Variants in ENDOD1 observed in about 807,000 individuals in gnomAD.
ENDOD1 encodes the protein endonuclease domain containing 1.
ENDOD1 carries 9 observed loss-of-function variants against 6.5 expected under a neutral mutation model. That is an observed-to-expected ratio of 1.39 (90% CI 0.84 to 2.43). The LOEUF is 2.43. Among genes scored for constraint, ENDOD1 ranks in the 30% most tolerant of loss-of-function variants. The pLI, the probability that ENDOD1 is intolerant of heterozygous loss-of-function variation, is 0.00. For missense variants in ENDOD1, 648 were observed against 635.5 expected (o/e 1.02, Z -0.21); for synonymous variants, 255 against 255.2 (o/e 1.00, Z 0.01).
chr11:95,110,962 G>A (rs1488078297), intron 1 of ENDOD1, among the ~76,000 whole-genome samples: 3 of 152,188 alleles, frequency 2.0e-5, no homozygotes, highest in African/African-American at 7.2e-5. Flanking sequence ...AACGGCTTGT[G>A]AAGATGACAT....
In ENDOD1 at chr11:95,121,720, T is replaced by G. The variant is rs906362965; in HGVS notation, c.301-6657T>G. The stretch of plus-strand genomic sequence containing the variant: ...CAGCCCTTTGAGATAAATTTTTTTC[T>G]TGGTACTAAATTTCAAAATGAATTT... On this transcript the variant is annotated intron_variant, in intron 1 of 1. Coordinates refer to ENST00000278505, the MANE Select transcript of ENDOD1 (RefSeq NM_015036.3). Among the ~76,000 whole-genome samples, 5 of 152,256 alleles carry G rather than the reference T, an allele frequency of 3.3e-5. 1 individual carries two copies. Among genetic ancestry groups the G allele is most frequent in the African/African-American group, 1.2e-4 (5 of 41,466 alleles).
At chr11:95,100,863 G>GTTT (rs1412933143) in intron 1 of ENDOD1, among the ~76,000 whole-genome samples, 1 of 51,098 alleles carries the variant, frequency 2.0e-5, no homozygotes. Context: ...TACCTGCTGG[G>GTTT]TGTTTTTTTT....
intron 1 of ENDOD1, among the ~76,000 whole-genome samples, chr11:95,107,282 A>G (rs368534173): frequency 1.5e-4 from 23 of 151,370 alleles, no homozygotes; most frequent in African/African-American, 5.1e-4. Flanking sequence ...TGCAGTGAGC[A>G]GAGATCGGGA....
At position 95,129,312 on chromosome 11, in the gene ENDOD1, C is replaced by T. The variant is rs752589406; in HGVS notation, c.1236C>T (p.Leu412=). The change falls in exon 2 of 2, where the codon CTC becomes CTT. Residue 412 remains leucine, a synonymous_variant. Coordinates refer to ENST00000278505, the MANE Select transcript of ENDOD1 (RefSeq NM_015036.3). Reference sequence around the variant, plus strand: ...TCGTGGCCAAAGTCATCAGGGCTCTCCTCCGGATCCTTTGTTGTCTGCTGA... The same window carrying T: ...TCGTGGCCAAAGTCATCAGGGCTCTTCTCCGGATCCTTTGTTGTCTGCTGA... ...LKVVAKVIRA[L]LRILCCLLKA... is the part of the protein sequence containing the mutation. 4.3e-6 allele frequency: 7 copies of T among 1,614,182 alleles called. No individual in the cohort carries two copies. In the East Asian group the frequency reaches 1.3e-4, roughly 31 times the overall value.
At chr11:95,114,938 G>C (rs1328378548) in intron 1 of ENDOD1, among the ~76,000 whole-genome samples, 1 of 152,132 alleles carries the variant, frequency 6.6e-6, no homozygotes, top group African/African-American at 2.4e-5. Flanking sequence ...GATTCCTCCT[G>C]TTTTGTTCAT....
At chr11:95,098,751 C>G (rs559335336) in intron 1 of ENDOD1, among the ~76,000 whole-genome samples, 1 of 151,850 alleles carries the variant, frequency 6.6e-6, no homozygotes, top group South Asian at 2.1e-4. Flanking sequence ...GAAATAGGTA[C>G]TATTATTATC....
rs760023321 is a variant in ENDOD1, at chr11:95,129,243, C to T, written c.1167C>T (p.Ala389=). The T allele has an allele frequency of 3.7e-6, 6 of 1,614,146 alleles. No individual in the cohort carries two copies. In the East Asian group the frequency reaches 1.3e-4, roughly 36 times the overall value. ...CAGCCACCATCTCATACTTCATGGCCATTGGGGAAGAGTTGGTGAGCATTC... is the reference window on the plus strand; with the variant it reads ...CAGCCACCATCTCATACTTCATGGCTATTGGGGAAGAGTTGGTGAGCATTC... The part of the protein sequence containing the change: ...LGSATISYFM[A]IGEELVSIPW... Residue 389 remains alanine (A), a synonymous_variant, in exon 2 of 2, where the codon GCC becomes GCT. Transcript: ENST00000278505.
chr11:95,102,611 G>T (rs868987423), intron 1 of ENDOD1, among the ~76,000 whole-genome samples: 18 of 152,298 alleles, frequency 1.2e-4, no homozygotes, highest in Middle Eastern at 3.4e-3. Context: ...GACAGAGGTT[G>T]CAGTGAGCTG....
chr11:95,090,831 C>G (rs141680498), intron 1 of ENDOD1, among the ~76,000 whole-genome samples: 115 of 152,300 alleles, frequency 7.6e-4, no homozygotes, highest in African/African-American at 2.6e-3. Context: ...GCCTGAAAAT[C>G]CTTCCTCTAC....
At chr11:95,115,606 C>T (rs1171220411) in intron 1 of ENDOD1, among the ~76,000 whole-genome samples, 1 of 152,066 alleles carries the variant, frequency 6.6e-6, no homozygotes, top group Non-Finnish European at 1.5e-5. Context: ...TTCAGTTTTT[C>T]CCCATTCAGT....
chr11:95,109,312 T>C (rs1555111696), intron 1 of ENDOD1, among the ~76,000 whole-genome samples: 1 of 152,212 alleles, frequency 6.6e-6, no homozygotes, highest in African/African-American at 2.4e-5. Context: ...TTTGATGGTC[T>C]GTTGTCAGGA....
At chr11:95,113,889 A>G (rs782486175) in intron 1 of ENDOD1, among the ~76,000 whole-genome samples, 1 of 152,214 alleles carries the variant, frequency 6.6e-6, no homozygotes, top group Non-Finnish European at 1.5e-5. Context: ...TCCCACCAAC[A>G]GTGTAAGAGG....
At chr11:95,107,960 CCCGG>C (rs1319350910) in intron 1 of ENDOD1, among the ~76,000 whole-genome samples, 1 of 151,740 alleles carries the variant, frequency 6.6e-6, no homozygotes, top group Non-Finnish European at 1.5e-5. Context: ...AGCCACCGCG[CCCGG>C]CCGGAGTCCG....
At chr11:95,118,007 C>A (rs1859227307) in intron 1 of ENDOD1, among the ~76,000 whole-genome samples, 1 of 152,086 alleles carries the variant, frequency 6.6e-6, no homozygotes, top group South Asian at 2.1e-4. Context: ...ATGCTGTTTG[C>A]ATAAGCAAAC....
rs146568399 is a variant in ENDOD1, at chr11:95,117,915, G to A, written c.301-10462G>A. ...TTTAGTTTCTTGCTTTTTATTTTTG[G>A]TGTATCTGCTGTATATTTTTTGATT... On this transcript the variant is annotated intron_variant, in intron 1 of 1. Transcript: ENST00000278505. Among the ~76,000 whole-genome samples, 31 of 151,716 alleles carry A rather than the reference G, an allele frequency of 2.0e-4. 1 individual carries two copies. The East Asian group carries it at 6.0e-3, about 29-fold the overall frequency.
chr11:95,128,339 A>G (rs1470730106), intron 1 of ENDOD1, 38 bp from the exon 2 acceptor site: 2 of 1,585,658 alleles, frequency 1.3e-6, no homozygotes, highest in East Asian at 2.2e-5. Flanking sequence ...CTGTGCTGTA[A>G]GCAGGGATGC....
rs1859365560 is a variant in ENDOD1 at position 95,131,014 on chromosome 11, C to A, written c.*1435C>A. On this transcript the variant is annotated 3_prime_UTR_variant, in exon 2 of 2. Transcript: ENST00000278505. Reference sequence around the variant, plus strand: ...AGTTATATGCAAAAATTCGGGGTCCCAACAAGGAGAGAACAATATGTCAAC... The same window carrying A: ...AGTTATATGCAAAAATTCGGGGTCCAAACAAGGAGAGAACAATATGTCAAC... 6.6e-6 allele frequency: 1 copy of A among 152,190 alleles called. No individual in the cohort carries two copies. The highest frequency in any genetic ancestry group is 2.4e-5 in the African/African-American group (1 of 41,450). The allele number at this position is 152,190 out of a possible 1,614,324, so 9.4% of individuals were successfully genotyped here.
intron 1 of ENDOD1, among the ~76,000 whole-genome samples, chr11:95,106,847 C>G (rs1362221096): frequency 6.6e-6 from 1 of 151,978 alleles, no homozygotes; most frequent in East Asian, 2.0e-4. Context: ...GTCAGCATCA[C>G]CTGGGATGGT....
chr11:95,101,783 A>G (rs964973533), intron 1 of ENDOD1, among the ~76,000 whole-genome samples: 2 of 152,212 alleles, frequency 1.3e-5, no homozygotes, highest in Non-Finnish European at 2.9e-5. Context: ...CCACCATACC[A>G]ATGGAGAAGA....
Sources: allele counts gnomAD v4.1 joint callset (sites outside exome capture counted in the v4.1 genomes callset), GRCh38; gene constraint gnomAD v4.1.1; transcripts MANE v1.5; gene names NCBI Gene and HGNC (gene_info 2026-07-23, HGNC 2026-07-21).